The following DLGAP1 variants were observed in gnomAD, a reference collection of about 807,000 sequenced individuals.
DLGAP1 encodes the protein disks large-associated protein 1.
Under a neutral mutation model 90.8 loss-of-function variants are expected in DLGAP1, and 11 were observed. That is an observed-to-expected ratio of 0.12 (90% CI 0.08 to 0.20). The LOEUF is 0.20. Ranked by LOEUF, DLGAP1 falls within the 10% of genes least tolerant of loss-of-function variation. The pLI is 1.00. For missense variants in DLGAP1, 1,050 were observed against 1,333.8 expected (o/e 0.79, Z 3.31); for synonymous variants, 558 against 540.7 (o/e 1.03, Z -0.44).
intron 3 of DLGAP1, among the ~76,000 whole-genome samples, chr18:3,927,357 A>G (rs1360344750): frequency 6.6e-6 from 1 of 152,264 alleles, no homozygotes; most frequent in African/African-American, 2.4e-5. Context: ...CGTCTAAATT[A>G]TGATACAGTC....
At chr18:4,269,578 T>C (rs1462742340) in intron 1 of DLGAP1, among the ~76,000 whole-genome samples, 1 of 151,904 alleles carries the variant, frequency 6.6e-6, no homozygotes, top group South Asian at 2.1e-4. Flanking sequence ...ATGGTCTCGA[T>C]CTCCTGACCT....
chr18:4,363,394 A>G (rs1043607962), intron 1 of DLGAP1, among the ~76,000 whole-genome samples: 7 of 152,208 alleles, frequency 4.6e-5, no homozygotes, highest in African/African-American at 1.7e-4. Flanking sequence ...CATTGGCTCA[A>G]GGTGTTTAAA....
At chr18:3,909,920 T>C (rs925493155) in intron 3 of DLGAP1, among the ~76,000 whole-genome samples, 4 of 152,080 alleles carry the variant, frequency 2.6e-5, no homozygotes, top group African/African-American at 4.8e-5. Context: ...CCACAACCTA[T>C]TTTTAAGTCA....
intron 3 of DLGAP1, among the ~76,000 whole-genome samples, chr18:3,987,288 A>G (rs1349579437): frequency 2.0e-5 from 3 of 152,120 alleles, no homozygotes; most frequent in African/African-American, 4.8e-5. Flanking sequence ...TTCCAGGCCT[A>G]CTCACTGAGG....
chr18:4,234,698 A>C (rs2145078955), intron 1 of DLGAP1, among the ~76,000 whole-genome samples: 1 of 152,298 alleles, frequency 6.6e-6, no homozygotes, highest in East Asian at 1.9e-4. Context: ...CAGGTGAACA[A>C]ATTTAGTGCC....
At chr18:4,316,433 C>T (rs1025541207) in intron 1 of DLGAP1, among the ~76,000 whole-genome samples, 7 of 152,126 alleles carry the variant, frequency 4.6e-5, no homozygotes, top group South Asian at 2.1e-4. Context: ...CAGGCAGGGT[C>T]GGGTGGCACA....
chr18:4,008,088 T>C (rs1406017866), intron 2 of DLGAP1, among the ~76,000 whole-genome samples: 3 of 152,168 alleles, frequency 2.0e-5, no homozygotes, highest in Non-Finnish European at 2.9e-5. Context: ...CCTCACCCAC[T>C]GGGATTTTTC....
At chr18:3,738,797 CT>C in intron 6 of DLGAP1, among the ~76,000 whole-genome samples, 1 of 149,416 alleles carries the variant, frequency 6.7e-6, no homozygotes, top group South Asian at 2.1e-4. Flanking sequence ...AACTAAAGAG[CT>C]TCTGTACAGC....
rs575277281 is a variant in DLGAP1, at chr18:4,026,270, T to C, written c.-158-21069A>G. 9.2e-5 allele frequency among the ~76,000 whole-genome samples: 14 copies of C among 152,336 alleles called. No homozygotes were observed. In the South Asian group the frequency reaches 2.9e-3, roughly 32 times the overall value. ...TGCCAGGGGTCAGTGGGTGGATTTT[T>C]CACTAAAAGGGTCATACAGATGTCT... On this transcript the variant is annotated intron_variant, in intron 2 of 12. Coordinates refer to ENST00000315677, the MANE Select transcript of DLGAP1 (RefSeq NM_004746.4).
At chr18:3,510,041 C>T (rs1346005001) in intron 10 of DLGAP1, among the ~76,000 whole-genome samples, 1 of 152,182 alleles carries the variant, frequency 6.6e-6, no homozygotes, top group Non-Finnish European at 1.5e-5. Flanking sequence ...AAGTTTTTAA[C>T]AATTTTTCTG....
At chr18:4,340,608 G>A (rs1375878205) in intron 1 of DLGAP1, among the ~76,000 whole-genome samples, 3 of 150,984 alleles carry the variant, frequency 2.0e-5, no homozygotes, top group African/African-American at 7.3e-5. Context: ...GTAAATTGTT[G>A]TTATTAAGAA....
At chr18:3,680,395 G>A (rs1905062778) in intron 7 of DLGAP1, among the ~76,000 whole-genome samples, 1 of 152,208 alleles carries the variant, frequency 6.6e-6, no homozygotes, top group Non-Finnish European at 1.5e-5. Flanking sequence ...GGTGAGTACA[G>A]TGATCACAGA....
intron 1 of DLGAP1, among the ~76,000 whole-genome samples, chr18:4,307,716 T>A (rs1488322892): frequency 1.2e-5 from 1 of 85,974 alleles, no homozygotes; most frequent in Non-Finnish European, 2.7e-5. Flanking sequence ...TTACTTTTTT[T>A]TTTTTTTTTT....
intron 7 of DLGAP1, among the ~76,000 whole-genome samples, chr18:3,695,115 T>C (rs1426320145): frequency 6.6e-6 from 1 of 151,836 alleles, no homozygotes; most frequent in African/African-American, 2.4e-5. Flanking sequence ...AATTTTTTTC[T>C]GTATTTTTTT....
chr18:4,214,119 G>C (rs952691156), intron 1 of DLGAP1, among the ~76,000 whole-genome samples: 1 of 152,056 alleles, frequency 6.6e-6, no homozygotes, highest in Non-Finnish European at 1.5e-5. Context: ...GGTCAAAAGA[G>C]GACTTTGGAC....
At chr18:4,395,171 T>C (rs555516972) in intron 1 of DLGAP1, among the ~76,000 whole-genome samples, 1 of 152,358 alleles carries the variant, frequency 6.6e-6, no homozygotes, top group South Asian at 2.1e-4. Flanking sequence ...GCACATTGCA[T>C]TGGGAATTCT....
At chr18:4,355,242 G>C (rs2081483745) in intron 1 of DLGAP1, among the ~76,000 whole-genome samples, 1 of 152,156 alleles carries the variant, frequency 6.6e-6, no homozygotes, top group African/African-American at 2.4e-5. Context: ...CCCTGAACAG[G>C]TCCATCCATA....
chr18:3,522,154 T>TC (rs2051241050), intron 10 of DLGAP1, among the ~76,000 whole-genome samples: 1 of 149,880 alleles, frequency 6.7e-6, no homozygotes, highest in African/African-American at 2.5e-5. Flanking sequence ...TTTTTTTTTT[T>TC]AGACAGAGTT....
chr18:3,922,158 A>T (rs1317701923), intron 3 of DLGAP1, among the ~76,000 whole-genome samples: 1 of 152,208 alleles, frequency 6.6e-6, no homozygotes, highest in East Asian at 1.9e-4. Flanking sequence ...ATTTAATTTG[A>T]CAATTGGGAG....
Sources: gnomAD v4.1 joint callset for allele counts (sites outside exome capture counted in the v4.1 genomes callset) on GRCh38, gnomAD v4.1.1 for gene constraint, MANE v1.5 for transcripts, NCBI Gene and HGNC (gene_info 2026-07-23, HGNC 2026-07-21) for gene names.